The following TFCP2L1 variants were observed in gnomAD, a reference collection of about 807,000 sequenced individuals.
The protein encoded by TFCP2L1 is transcription factor CP2-like protein 1.
Under a neutral mutation model 72.2 loss-of-function variants are expected in TFCP2L1, and 12 were observed. That is an observed-to-expected ratio of 0.17 (90% CI 0.11 to 0.27). The LOEUF is 0.27. TFCP2L1 is among the 10% of genes least tolerant of loss of function. The pLI is 1.00. For synonymous variants in TFCP2L1, 260 were observed against 251.0 expected, an observed-to-expected ratio of 1.04 and a Z score of -0.34; for missense variants, 488 against 624.6, an observed-to-expected ratio of 0.78 and a Z score of 2.33.
intron 2 of TFCP2L1, among the ~76,000 whole-genome samples, chr2:121,278,697 A>C (rs1687196194): frequency 7.8e-6 from 1 of 127,464 alleles, no homozygotes. Flanking sequence ...AAGAAGAAAG[A>C]AAAAAAAAAA....
chr2:121,243,878 G>C (rs961434658), intron 6 of TFCP2L1, among the ~76,000 whole-genome samples: 1 of 152,068 alleles, frequency 6.6e-6, no homozygotes, highest in Non-Finnish European at 1.5e-5. Flanking sequence ...GTAATGCACT[G>C]AATCATCCCG....
chr2:121,253,189 G>A (rs1458022833), intron 2 of TFCP2L1, among the ~76,000 whole-genome samples: 3 of 152,162 alleles, frequency 2.0e-5, no homozygotes, highest in Non-Finnish European at 4.4e-5. Flanking sequence ...CAGCCATTAG[G>A]AAGGTCTCTG....
In TFCP2L1 at chr2:121,281,162, C is replaced by T. The variant is rs996516005; in HGVS notation, c.172G>A (p.Ala58Thr). ...AGCGTCTCTTCATGCAGCTTCACGG[C>T]TGGGGACGTGGCAGCACACAACACA... ...QYVLCAATSP[A>T]VKLHEETLTY... The change falls in exon 2 of 15, where the codon GCC becomes ACC. Residue 58 changes from alanine (A) to threonine (T), a missense_variant. Physicochemically the swap from Ala to Thr is moderately conservative, Grantham distance 58. Coordinates refer to ENST00000263707, the MANE Select transcript of TFCP2L1 (RefSeq NM_014553.3). 7 of 1,613,898 alleles carry T rather than the reference C, an allele frequency of 4.3e-6. No homozygotes were observed. Among genetic ancestry groups the T allele is most frequent in the Non-Finnish European group, 5.1e-6 (6 of 1,180,034 alleles).
intron 2 of TFCP2L1, among the ~76,000 whole-genome samples, chr2:121,270,015 T>C (rs1179584120): frequency 6.6e-6 from 1 of 151,294 alleles, no homozygotes; most frequent in Non-Finnish European, 1.5e-5. Flanking sequence ...TATTATAATA[T>C]CCCAAATATA....
chr2:121,228,049 CGGCTGGCCA>C (rs1477907070), intron 13 of TFCP2L1, among the ~76,000 whole-genome samples: 1 of 152,212 alleles, frequency 6.6e-6, no homozygotes, highest in Admixed American at 6.5e-5. Context: ...GCCGGCTCCG[CGGCTGGCCA>C]GGCTGCCTCC....
intron 2 of TFCP2L1, among the ~76,000 whole-genome samples, chr2:121,268,669 G>T (rs1389444685): frequency 1.3e-5 from 2 of 151,844 alleles, no homozygotes; most frequent in Non-Finnish European, 2.9e-5. Context: ...GGGGAGAAGA[G>T]AAGAACCAGA....
In TFCP2L1 at chr2:121,234,149, C is replaced by T. The variant is rs770635425; in HGVS notation, c.1140G>A (p.Glu380=). 10 of 1,614,176 alleles carry T rather than the reference C, an allele frequency of 6.2e-6. No homozygotes were observed. Among genetic ancestry groups the T allele is most frequent in the Non-Finnish European group, 8.5e-6 (10 of 1,180,036 alleles). ...KMTIYVCQEL[E]QNRVPLQQKR... ...TCTGCTGCAGGGGCACTCGATTCTG[C>T]TCCAGCTCCTGACAGACATAAATGG... is the stretch of plus-strand genomic sequence containing the variant. Residue 380 remains glutamate (E), a synonymous_variant, in exon 12 of 15, where the codon GAG becomes GAA. Transcript: ENST00000263707.
chr2:121,284,955 A>G (rs1687337388), intron 1 of TFCP2L1, 93 bp downstream of exon 1: 2 of 1,165,324 alleles, frequency 1.7e-6, no homozygotes, highest in South Asian at 2.0e-5. Flanking sequence ...GCCAGGGCCC[A>G]GCAGGGGCGC....
intron 2 of TFCP2L1, among the ~76,000 whole-genome samples, chr2:121,262,135 A>G (rs1445338156): frequency 6.6e-6 from 1 of 152,188 alleles, no homozygotes; most frequent in African/African-American, 2.4e-5. Context: ...AGCAACACAG[A>G]GAGACCTCGT....
intron 2 of TFCP2L1, among the ~76,000 whole-genome samples, chr2:121,263,017 C>G (rs1446391963): frequency 1.3e-5 from 2 of 151,886 alleles, no homozygotes; most frequent in Non-Finnish European, 2.9e-5. Flanking sequence ...CTCACCGCAA[C>G]CCCCATCTCC....
chr2:121,250,897 G>GCA (rs1686598170), intron 2 of TFCP2L1, among the ~76,000 whole-genome samples: 1 of 151,106 alleles, frequency 6.6e-6, no homozygotes, highest in Non-Finnish European at 1.5e-5. Flanking sequence ...GAGCCACCAT[G>GCA]CCTGGCCAGT....
chr2:121,225,771 C>T (rs988520722), intron 13 of TFCP2L1, among the ~76,000 whole-genome samples, 158 bp from the exon 14 acceptor site: 3 of 151,988 alleles, frequency 2.0e-5, no homozygotes, highest in Admixed American at 6.5e-5. Context: ...ACCACTGCCA[C>T]GGTGCCCACA....
chr2:121,268,826 C>T (rs1686985620), intron 2 of TFCP2L1, among the ~76,000 whole-genome samples: 1 of 149,204 alleles, frequency 6.7e-6, no homozygotes, highest in African/African-American at 2.5e-5. Context: ...TACTAGATAC[C>T]TTTCACGGCC....
intron 2 of TFCP2L1, among the ~76,000 whole-genome samples, chr2:121,259,091 T>C (rs1686783086): frequency 6.6e-6 from 1 of 152,004 alleles, no homozygotes; most frequent in Non-Finnish European, 1.5e-5. Flanking sequence ...CTAGTAAAAA[T>C]ACAAAATTAG....
intron 2 of TFCP2L1, among the ~76,000 whole-genome samples, chr2:121,278,061 GCT>G (rs1282052556): frequency 1.4e-4 from 18 of 131,126 alleles, no homozygotes; most frequent in Non-Finnish European, 3.1e-5. Context: ...ACGGAGTCTC[GCT>G]CTGTCGCCCA....
chr2:121,243,909 G>A (rs781712862), intron 6 of TFCP2L1, among the ~76,000 whole-genome samples: 12 of 152,130 alleles, frequency 7.9e-5, no homozygotes, highest in Non-Finnish European at 1.8e-4. Flanking sequence ...CCTCTCTTCC[G>A]TGGAAAAACG....
intron 10 of TFCP2L1, among the ~76,000 whole-genome samples, chr2:121,236,677 G>A (rs946057625): frequency 1.1e-4 from 16 of 151,750 alleles, no homozygotes; most frequent in Non-Finnish European, 5.9e-5. Flanking sequence ...CATCCTGTCC[G>A]TGTCCCTTGG....
At chr2:121,269,907 T>TCAAAAAAAAAAAAAAAAAAAA (rs750107740) in intron 2 of TFCP2L1, among the ~76,000 whole-genome samples, 8 of 77,566 alleles carry the variant, frequency 1.0e-4, no homozygotes, top group Admixed American at 4.2e-4. Flanking sequence ...AGACTCCATC[T>TCAAAAAAAAAAAAAAAAAAAA]AAAAAAAAAA....
intron 2 of TFCP2L1, among the ~76,000 whole-genome samples, chr2:121,258,658 C>A (rs1477057444): frequency 6.6e-6 from 1 of 152,176 alleles, no homozygotes; most frequent in Non-Finnish European, 1.5e-5. Flanking sequence ...AACCTCCTGG[C>A]CTGCACCTTC....
Sources: allele counts gnomAD v4.1 joint callset (sites outside exome capture counted in the v4.1 genomes callset), GRCh38; gene constraint gnomAD v4.1.1; transcripts MANE v1.5; gene names NCBI Gene and HGNC (gene_info 2026-07-23, HGNC 2026-07-21).